TMEM132B: variants seen among roughly 807,000 people sequenced by gnomAD.
TMEM132B encodes the protein transmembrane protein 132B.
TMEM132B carries 18 observed loss-of-function variants against 90.8 expected under a neutral mutation model. That is an observed-to-expected ratio of 0.20 (90% CI 0.14 to 0.29). The LOEUF (loss-of-function observed/expected upper bound fraction) is 0.29. Among genes scored for constraint, TMEM132B ranks in the 10% least tolerant of loss-of-function variants. The pLI, the probability that TMEM132B is intolerant of heterozygous loss-of-function variation, is 1.00. For synonymous variants in TMEM132B, 504 were observed against 523.3 expected (o/e 0.96, Z 0.50); for missense variants, 1,096 against 1,326.8 (o/e 0.83, Z 2.70).
At chr12:125,641,792 G>A (rs1020742569) in intron 5 of TMEM132B, among the ~76,000 whole-genome samples, 1 of 152,152 alleles carries the variant, frequency 6.6e-6, no homozygotes, top group Non-Finnish European at 1.5e-5. Flanking sequence ...AGAGTGATTT[G>A]ATGTGTGATT....
chr12:125,559,750 G>A (rs1296317500), intron 4 of TMEM132B, among the ~76,000 whole-genome samples: 1 of 152,164 alleles, frequency 6.6e-6, no homozygotes, highest in Admixed American at 6.5e-5. Context: ...GCTGAAGTCA[G>A]TTATGCAGAC....
intron 1 of TMEM132B, among the ~76,000 whole-genome samples, chr12:125,265,934 A>T (rs182805365): frequency 1.4e-4 from 22 of 152,046 alleles, no homozygotes; most frequent in South Asian, 4.2e-4. Flanking sequence ...ATTATATATT[A>T]AAAAAAACCC....
chr12:125,615,128 T>G (rs557994480), intron 5 of TMEM132B, among the ~76,000 whole-genome samples: 1 of 152,236 alleles, frequency 6.6e-6, no homozygotes, highest in Non-Finnish European at 1.5e-5. Context: ...TTTCATAATT[T>G]TTACTGTGAT....
At chr12:125,516,613 T>G (rs1281159852) in intron 3 of TMEM132B, among the ~76,000 whole-genome samples, 1 of 152,214 alleles carries the variant, frequency 6.6e-6, no homozygotes, top group Non-Finnish European at 1.5e-5. Flanking sequence ...GCTGATCATC[T>G]TATGCAGACC....
At chr12:125,598,751 C>T (rs1043727353) in intron 5 of TMEM132B, among the ~76,000 whole-genome samples, 3 of 152,128 alleles carry the variant, frequency 2.0e-5, no homozygotes, top group East Asian at 1.9e-4. Context: ...CTGAGCATTG[C>T]GCCTCAGAGT....
chr12:125,199,984 G>T (rs1168271673), intron 1 of TMEM132B, among the ~76,000 whole-genome samples: 1 of 152,134 alleles, frequency 6.6e-6, no homozygotes, highest in East Asian at 1.9e-4. Flanking sequence ...AAAAATCCGG[G>T]TTTCTGTTAC....
intron 5 of TMEM132B, chr12:125,587,941 A>G (rs1392708873): frequency 6.6e-6 from 1 of 152,226 alleles, no homozygotes; most frequent in African/African-American, 2.4e-5. Flanking sequence ...TGTTAAGCCT[A>G]TTGATGAGAA....
intron 2 of TMEM132B, among the ~76,000 whole-genome samples, chr12:125,404,242 A>G (rs755240999): frequency 1.5e-4 from 23 of 152,136 alleles, no homozygotes; most frequent in Non-Finnish European, 2.9e-4. Flanking sequence ...GGTGTACAGC[A>G]ATGTCCTTTG....
chr12:125,223,065 T>G (rs1873595949), intron 1 of TMEM132B, among the ~76,000 whole-genome samples: 1 of 152,238 alleles, frequency 6.6e-6, no homozygotes, highest in Non-Finnish European at 1.5e-5. Context: ...GAAAGTGATA[T>G]TGGCAAATTG....
intron 2 of TMEM132B, among the ~76,000 whole-genome samples, chr12:125,380,158 G>A (rs1878634756): frequency 6.6e-6 from 1 of 152,260 alleles, no homozygotes; most frequent in South Asian, 2.1e-4. Context: ...TGTGGGCAGG[G>A]TAGGTTCCTT....
At chr12:125,488,068 T>C (rs1882247233) in intron 3 of TMEM132B, among the ~76,000 whole-genome samples, 1 of 152,248 alleles carries the variant, frequency 6.6e-6, no homozygotes, top group Non-Finnish European at 1.5e-5. Flanking sequence ...TGAAAACAGC[T>C]TCTATTTTAG....
At chr12:125,192,167 A>G (rs1385459930) in intron 1 of TMEM132B, among the ~76,000 whole-genome samples, 3 of 152,216 alleles carry the variant, frequency 2.0e-5, no homozygotes, top group Non-Finnish European at 4.4e-5. Context: ...GGATTCTTCA[A>G]CAACCCTAAT....
intron 4 of TMEM132B, among the ~76,000 whole-genome samples, chr12:125,530,999 G>A (rs374839743): frequency 1.3e-5 from 2 of 152,220 alleles, no homozygotes; most frequent in Admixed American, 6.5e-5. Flanking sequence ...CTGCACCTTC[G>A]CGTGTGCAGT....
chr12:125,591,720 T>C (rs1462190012), intron 5 of TMEM132B, among the ~76,000 whole-genome samples: 1 of 152,154 alleles, frequency 6.6e-6, no homozygotes, highest in African/African-American at 2.4e-5. Context: ...TCTTCCAGCT[T>C]CTGGTGGCCC....
chr12:125,230,371 C>T (rs913273170), intron 1 of TMEM132B, among the ~76,000 whole-genome samples: 1 of 152,090 alleles, frequency 6.6e-6, no homozygotes, highest in African/African-American at 2.4e-5. Context: ...TGGACTGCAG[C>T]GACAGCATCT....
chr12:125,532,745 C>T (rs1883678627), intron 4 of TMEM132B, among the ~76,000 whole-genome samples: 1 of 152,054 alleles, frequency 6.6e-6, no homozygotes, highest in African/African-American at 2.4e-5. Context: ...GAACTCCTGA[C>T]CTCAGGTGAT....
chr12:125,247,466 G>A (rs1397682935), intron 1 of TMEM132B, among the ~76,000 whole-genome samples: 1 of 152,090 alleles, frequency 6.6e-6, no homozygotes, highest in East Asian at 1.9e-4. Flanking sequence ...GGCCACTCCC[G>A]TCTGTACCCT....
At chr12:125,193,552 A>G (rs1872850663) in intron 1 of TMEM132B, among the ~76,000 whole-genome samples, 1 of 152,218 alleles carries the variant, frequency 6.6e-6, no homozygotes, top group African/African-American at 2.4e-5. Flanking sequence ...TGACTGTGCG[A>G]TCCAGGAAGA....
Position 125,591,037 on chromosome 12 carries a change from T to TTG in TMEM132B, c.1437+7057_1437+7058dup, listed in dbSNP as rs1316294418. Among the ~76,000 whole-genome samples, 5 of 147,064 alleles carry TTG rather than the reference T, an allele frequency of 3.4e-5. 1 individual carries two copies. Among genetic ancestry groups the TTG allele is most frequent in the East Asian group, 1.9e-4 (1 of 5,152 alleles). ...CACGCCCGCGTGTGTGTGTGTGTGT[T>TTG]TGTGTGTGTGTGTGTTGCGGTGGGG... On this transcript the variant is annotated intron_variant, in intron 5 of 8. Coordinates refer to ENST00000682704, the MANE Select transcript of TMEM132B (RefSeq NM_001366854.1).
Sources: gnomAD v4.1 joint callset for allele counts (sites outside exome capture counted in the v4.1 genomes callset) on GRCh38, gnomAD v4.1.1 for gene constraint, MANE v1.5 for transcripts, NCBI Gene and HGNC (gene_info 2026-07-23, HGNC 2026-07-21) for gene names.